Variants in DAAM1 observed in about 807,000 individuals in gnomAD.
DAAM1 encodes disheveled-associated activator of morphogenesis 1.
DAAM1 carries 52 observed loss-of-function variants against 130.0 expected under a neutral mutation model. The observed-to-expected ratio is 0.40, with a 90% CI of 0.32 to 0.50. DAAM1 has a LOEUF of 0.50. Among genes scored for constraint, DAAM1 ranks in the 20% least tolerant of loss-of-function variants. DAAM1 has a pLI of 0.61. For synonymous variants in DAAM1, 452 were observed against 444.5 expected (o/e 1.02, Z -0.21); for missense variants, 1,134 against 1,303.8 (o/e 0.87, Z 2.01).
Position 59,330,495 on chromosome 14 carries a change from G to A in DAAM1, c.1373-6G>A, listed in dbSNP as rs41285510. The A allele has an allele frequency of 0.082, 130,425 of 1,591,594 alleles. 5,991 individuals carry two copies. Among genetic ancestry groups the A allele is most frequent in the Non-Finnish European group, 0.095 (110,777 of 1,169,926 alleles). On this transcript the variant is annotated splice_polypyrimidine_tract_variant and splice_region_variant and intron_variant, in intron 12 of 24. Coordinates refer to ENST00000360909, the MANE Select transcript of DAAM1 (RefSeq NM_001270520.2). ...TGTTTTCATGTCCAATTGTTTTCTCGTGTAGAGCACAATGAGCTACAACAG... is the reference window on the plus strand; with the variant it reads ...TGTTTTCATGTCCAATTGTTTTCTCATGTAGAGCACAATGAGCTACAACAG...
chr14:59,346,718 T>C (rs1886094785), intron 16 of DAAM1, among the ~76,000 whole-genome samples: 1 of 152,258 alleles, frequency 6.6e-6, no homozygotes, highest in Non-Finnish European at 1.5e-5. Context: ...ACTATTGTTA[T>C]ATCTAATAAA....
At chr14:59,272,596 A>AATAT (rs199955715) in intron 2 of DAAM1, among the ~76,000 whole-genome samples, 37 of 118,184 alleles carry the variant, frequency 3.1e-4, no homozygotes, top group South Asian at 1.4e-3. Context: ...AAACAAACAA[A>AATAT]ATATATATAT....
intron 1 of DAAM1, among the ~76,000 whole-genome samples, chr14:59,216,566 CA>C (rs1888587178): frequency 6.6e-6 from 1 of 152,068 alleles, no homozygotes; most frequent in South Asian, 2.1e-4. Flanking sequence ...ACTAAAAGTA[CA>C]AAAACTAGTT....
In DAAM1 at chr14:59,330,520, G is replaced by C; in HGVS notation, c.1392G>C (p.Gln464His). 1 of 1,610,070 alleles carries C rather than the reference G, an allele frequency of 6.2e-7. No homozygotes were observed. The highest frequency in any genetic ancestry group is 8.5e-7 in the Non-Finnish European group (1 of 1,178,364). The change falls in exon 13 of 25, where the codon CAG becomes CAC. Residue 464 changes from glutamine to histidine, a missense_variant. Gln to His is a conservative substitution (Grantham distance 24). This residue lies in a region of DAAM1 where 391 missense variants were observed against 521.6 expected (regional missense o/e 0.75). Transcript: ENST00000360909. ...KMRKEHNELQQKLEKKERECD... is the reference protein window; with the variant it reads ...KMRKEHNELQHKLEKKERECD... ...GTGTAGAGCACAATGAGCTACAACA[G>C]AAACTGGAAAAGAAAGAACGAGAAT...
chr14:59,202,561 A>C (rs1050467968), intron 1 of DAAM1, among the ~76,000 whole-genome samples: 2 of 152,192 alleles, frequency 1.3e-5, no homozygotes, highest in African/African-American at 4.8e-5. Flanking sequence ...ACATTTCAGA[A>C]TGCTGTATGT....
intron 1 of DAAM1, among the ~76,000 whole-genome samples, chr14:59,234,023 G>C (rs559359019): frequency 1.2e-4 from 18 of 152,238 alleles, no homozygotes; most frequent in Non-Finnish European, 1.5e-4. Flanking sequence ...GTGCTGTTTT[G>C]GTTACTGTAG....
chr14:59,317,288 T>C (rs1884828728), intron 4 of DAAM1, among the ~76,000 whole-genome samples: 3 of 152,208 alleles, frequency 2.0e-5, no homozygotes, highest in Admixed American at 2.0e-4. Context: ...CATGAATTAG[T>C]GAGGCCTCAA....
chr14:59,291,498 G>T, intron 3 of DAAM1, 192 bp downstream of exon 3: 1 of 537,646 alleles, frequency 1.9e-6, no homozygotes, highest in Non-Finnish European at 3.3e-6. Context: ...ACTTCATTGG[G>T]CTCTTTTCCA....
At chr14:59,249,500 A>AT (rs1210043766) in intron 1 of DAAM1, among the ~76,000 whole-genome samples, 1 of 152,200 alleles carries the variant, frequency 6.6e-6, no homozygotes, top group Non-Finnish European at 1.5e-5. Flanking sequence ...AAGTGGCCAT[A>AT]TTTGAGGGAA....
chr14:59,277,335 A>G (rs1301925238), intron 2 of DAAM1, among the ~76,000 whole-genome samples: 1 of 152,108 alleles, frequency 6.6e-6, no homozygotes, highest in East Asian at 1.9e-4. Flanking sequence ...CTGCCTGCTT[A>G]TTCTACAGTG....
intron 3 of DAAM1, among the ~76,000 whole-genome samples, chr14:59,312,600 T>G (rs920815836): frequency 1.3e-5 from 2 of 152,156 alleles, no homozygotes; most frequent in African/African-American, 4.8e-5. Flanking sequence ...TAAAATGTAT[T>G]CTCAACAAAG....
chr14:59,320,714 C>T (rs1884973819), intron 5 of DAAM1, 130 bp downstream of exon 5: 2 of 571,424 alleles, frequency 3.5e-6, no homozygotes, highest in Non-Finnish European at 5.6e-6. Flanking sequence ...TAATCATTAA[C>T]ATTTAATAAA....
chr14:59,365,947 C>G (rs60137132), intron 23 of DAAM1, among the ~76,000 whole-genome samples: 4,858 of 151,970 alleles, frequency 0.032, 264 homozygotes, highest in African/African-American at 0.11. Flanking sequence ...TATAATAATG[C>G]TAAGACTATT....
intron 1 of DAAM1, among the ~76,000 whole-genome samples, chr14:59,234,868 A>T (rs112606090): frequency 3.9e-5 from 6 of 152,106 alleles, no homozygotes; most frequent in Admixed American, 3.9e-4. Flanking sequence ...GTTGAATTTT[A>T]TCAGAGGCCT....
chr14:59,284,808 A>C (rs1476683235), intron 2 of DAAM1, among the ~76,000 whole-genome samples: 2 of 152,160 alleles, frequency 1.3e-5, no homozygotes, highest in Non-Finnish European at 1.5e-5. Context: ...AACTTCAAAA[A>C]TATGGGATTA....
At chr14:59,340,423 C>T (rs1026180721) in intron 16 of DAAM1, among the ~76,000 whole-genome samples, 1 of 152,178 alleles carries the variant, frequency 6.6e-6, no homozygotes, top group Non-Finnish European at 1.5e-5. Flanking sequence ...GCAGAACACC[C>T]TGAGTCAATC....
chr14:59,226,238 G>T lies in DAAM1; in HGVS notation c.-37-37203G>T, dbSNP rs114478940. 1.3e-3 allele frequency among the ~76,000 whole-genome samples: 195 copies of T among 152,288 alleles called. 1 individual carries two copies. The highest frequency in any genetic ancestry group is 4.5e-3 in the African/African-American group (187 of 41,560). On this transcript the variant is annotated intron_variant, in intron 1 of 24. Coordinates refer to ENST00000360909, the MANE Select transcript of DAAM1 (RefSeq NM_001270520.2). Reference sequence around the variant, plus strand: ...TCCTTAGTATATTGCTCTGTTTACTGACTTGGTTTGTACCTCTGTAAGAGC... The same window carrying T: ...TCCTTAGTATATTGCTCTGTTTACTTACTTGGTTTGTACCTCTGTAAGAGC...
chr14:59,240,007 T>C (rs2139459759), intron 1 of DAAM1, among the ~76,000 whole-genome samples: 2 of 152,348 alleles, frequency 1.3e-5, no homozygotes, highest in East Asian at 3.9e-4. Flanking sequence ...ACATTACTCA[T>C]GTCAATTTGT....
intron 1 of DAAM1, among the ~76,000 whole-genome samples, chr14:59,248,830 C>T (rs1299251949): frequency 6.6e-6 from 1 of 152,182 alleles, no homozygotes; most frequent in Non-Finnish European, 1.5e-5. Context: ...GTCGCCCAGG[C>T]TGGAGTGCAG....
Sources: allele counts gnomAD v4.1 joint callset (sites outside exome capture counted in the v4.1 genomes callset), GRCh38; gene constraint gnomAD v4.1.1; regional missense constraint gnomAD v4.1.1; transcripts MANE v1.5; gene names NCBI Gene and HGNC (gene_info 2026-07-23, HGNC 2026-07-21).